Variants in CPXM2 observed in about 807,000 individuals in gnomAD.
CPXM2 encodes carboxypeptidase X, M14 family member 2, also known as inactive carboxypeptidase-like protein X2.
In CPXM2, 66 loss-of-function variants were observed where a neutral mutation model predicts 86.1. The ratio of observed to expected loss-of-function variants is 0.77; its 90% CI spans 0.63 to 0.94. The LOEUF is 0.94. CPXM2 is among the 40% of genes least tolerant of loss of function. The pLI is 0.00. For synonymous variants in CPXM2, 388 were observed against 400.2 expected, an observed-to-expected ratio of 0.97 and a Z score of 0.36; for missense variants, 948 against 1,026.3, an observed-to-expected ratio of 0.92 and a Z score of 1.04.
rs149149275 is a variant in CPXM2 at position 123,905,047 on chromosome 10, A to G, written n.175-24738T>C. ...CTGGAAAATGCGTGAAGACAAGGAC[A>G]GAGCAGGACTTTCCACCTGTTACCA... On this transcript the variant is annotated intron_variant and non_coding_transcript_variant, in intron 2 of 19. Coordinates refer to the CPXM2 transcript ENST00000368854. Among the ~76,000 whole-genome samples, 304 of 90,604 alleles carry G rather than the reference A, an allele frequency of 3.4e-3. 2 individuals carry two copies. The highest frequency in any genetic ancestry group is 0.02 in the African/African-American group (294 of 15,070). 59.4% of individuals were successfully genotyped at this position (90,604 alleles called of 152,430 possible).
intron 2 of CPXM2, among the ~76,000 whole-genome samples, chr10:123,906,742 A>T (rs1945445608): frequency 6.6e-6 from 1 of 152,206 alleles, no homozygotes; most frequent in African/African-American, 2.4e-5. Flanking sequence ...TATGCAAGAA[A>T]CTTCTCACAT....
intron 7 of CPXM2, among the ~76,000 whole-genome samples, chr10:123,773,621 C>T (rs1258473703): frequency 6.6e-6 from 1 of 152,206 alleles, no homozygotes; most frequent in East Asian, 1.9e-4. Context: ...ATACACACCG[C>T]TCCTTCCCTC....
chr10:123,869,454 A>C (rs1944855549), intron 2 of CPXM2, among the ~76,000 whole-genome samples: 1 of 152,250 alleles, frequency 6.6e-6, no homozygotes, highest in Admixed American at 6.5e-5. Context: ...AGAACACAGA[A>C]AAAAGTGTGA....
chr10:123,789,412 G>A (rs750486852), intron 6 of CPXM2, among the ~76,000 whole-genome samples: 1 of 152,220 alleles, frequency 6.6e-6, no homozygotes, highest in Non-Finnish European at 1.5e-5. Flanking sequence ...CTTGGCAGAT[G>A]CTGCTGTGCC....
intron 4 of CPXM2, among the ~76,000 whole-genome samples, chr10:123,831,981 C>T (rs1001401821): frequency 5.4e-3 from 4 of 742 alleles, no homozygotes; most frequent in Admixed American, 0.015. Context: ...GTTGTGGGGG[C>T]GGGGGTGGGG....
intron 13 of CPXM2, chr10:123,751,471 C>CTATA (rs1846074611): frequency 2.0e-6 from 2 of 980,140 alleles, no homozygotes; most frequent in Non-Finnish European, 2.4e-6. Flanking sequence ...ATAATTTCTC[C>CTATA]CGCCACCCTG....
intron 4 of CPXM2, among the ~76,000 whole-genome samples, chr10:123,841,449 C>T (rs151073206): frequency 6.6e-6 from 1 of 152,356 alleles, no homozygotes; most frequent in Non-Finnish European, 1.5e-5. Context: ...TTGCAACCAT[C>T]TATCTCCAGA....
chr10:123,930,467 G>T (rs958078498), intron 2 of CPXM2, among the ~76,000 whole-genome samples: 9 of 152,224 alleles, frequency 5.9e-5, no homozygotes, highest in African/African-American at 1.4e-4. Context: ...GACCAGGACT[G>T]CAGGAGAGGC....
chr10:123,821,261 A>G (rs554114175), intron 4 of CPXM2, among the ~76,000 whole-genome samples: 35 of 152,362 alleles, frequency 2.3e-4, no homozygotes, highest in African/African-American at 8.2e-4. Flanking sequence ...AATTTCCTTA[A>G]GAAAATTCCT....
At chr10:123,909,151 A>C (rs1382007304) in intron 2 of CPXM2, among the ~76,000 whole-genome samples, 1 of 152,160 alleles carries the variant, frequency 6.6e-6, no homozygotes, top group Non-Finnish European at 1.5e-5. Context: ...GATCCCACAC[A>C]AGACAGTATA....
Position 123,862,594 on chromosome 10 carries a change from C to T in CPXM2, c.513+20G>A. ...AATAAACAAGGCAGTCAAAATCCTT[C>T]CAACCACAGGGCCAGGTACCTGGAT... On this transcript the variant is annotated intron_variant, in intron 3 of 13. Coordinates refer to ENST00000241305, the MANE Select transcript of CPXM2 (RefSeq NM_198148.3). 1 of 1,608,412 alleles carries T rather than the reference C, an allele frequency of 6.2e-7. No individual in the cohort carries two copies. The highest frequency in any genetic ancestry group is 1.1e-5 in the South Asian group (1 of 90,918).
chr10:123,811,256 G>A (rs1043101214), intron 4 of CPXM2, among the ~76,000 whole-genome samples: 5 of 151,076 alleles, frequency 3.3e-5, no homozygotes, highest in South Asian at 2.1e-4. Flanking sequence ...CCATTAACTC[G>A]TCATTTACAT....
chr10:123,791,537 T>C (rs2134053010), intron 6 of CPXM2, among the ~76,000 whole-genome samples: 1 of 152,314 alleles, frequency 6.6e-6, no homozygotes, highest in East Asian at 1.9e-4. Flanking sequence ...CCTTGGCTTG[T>C]AGCCACATCA....
In CPXM2 at chr10:123,771,461, C is replaced by G. The variant is rs116899372; in HGVS notation, c.979-422G>C. Among the ~76,000 whole-genome samples the G allele has an allele frequency of 6.0e-3, 906 of 152,250 alleles. 5 individuals are homozygous for G. Among genetic ancestry groups the G allele is most frequent in the South Asian group, 0.011 (54 of 4,822 alleles). ...TCCTTACGAAAGAGGCCCAAAGGAGCCTGTTTGCCCATCTGCCATGGGAGG... is the reference window on the plus strand; with the variant it reads ...TCCTTACGAAAGAGGCCCAAAGGAGGCTGTTTGCCCATCTGCCATGGGAGG... On this transcript the variant is annotated intron_variant, in intron 7 of 13. Transcript: ENST00000241305.
chr10:123,857,632 AGATGGAAGG>A (rs1848760153), intron 3 of CPXM2, among the ~76,000 whole-genome samples: 2 of 119,586 alleles, frequency 1.7e-5, no homozygotes, highest in East Asian at 2.3e-4. Context: ...GGCGGCGTGG[AGATGGAAGG>A]CGGCGTGGAG....
At chr10:123,916,654 C>T (rs1040716297) in intron 2 of CPXM2, among the ~76,000 whole-genome samples, 4 of 152,246 alleles carry the variant, frequency 2.6e-5, no homozygotes, top group Non-Finnish European at 5.9e-5. Flanking sequence ...TTCCTCAGCT[C>T]AGAACCTGGC....
At chr10:123,797,875 ACTGTGC>A (rs1483638704) in intron 6 of CPXM2, 95 bp downstream of exon 6, 5 of 1,155,950 alleles carry the variant, frequency 4.3e-6, no homozygotes, top group Non-Finnish European at 5.6e-6. Flanking sequence ...GGCATGAGCT[ACTGTGC>A]CTGGTCTGCT....
At chr10:123,852,784 C>T (rs1358883319) in intron 3 of CPXM2, among the ~76,000 whole-genome samples, 1 of 152,124 alleles carries the variant, frequency 6.6e-6, no homozygotes, top group African/African-American at 2.4e-5. Flanking sequence ...CTTCTCATAC[C>T]CCCTTGGCTC....
chr10:123,854,341 A>AAT lies in CPXM2; in HGVS notation c.513+8271_513+8272dup, dbSNP rs200616929. 5.3e-3 allele frequency among the ~76,000 whole-genome samples: 670 copies of AAT among 126,012 alleles called. 9 individuals are homozygous for AAT. The highest frequency in any genetic ancestry group is 0.017 in the African/African-American group (538 of 30,762). The allele number at this position is 126,012 out of a possible 152,430, so 82.7% of individuals were successfully genotyped here. ...GGGGTGGCCCAAGAGCTAGTGAACA[A>AAT]ATATATATATATATATAAAAATATA... On this transcript the variant is annotated intron_variant, in intron 3 of 13. Transcript: ENST00000241305.
Sources: gnomAD v4.1 joint callset for allele counts (sites outside exome capture counted in the v4.1 genomes callset) on GRCh38, gnomAD v4.1.1 for gene constraint, MANE v1.5 for transcripts, NCBI Gene and HGNC (gene_info 2026-07-23, HGNC 2026-07-21) for gene names.